The following FARP1 variants were observed in gnomAD, a reference collection of about 807,000 sequenced individuals.
FARP1 encodes FERM, ARHGEF and pleckstrin domain-containing protein 1.
FARP1 carries 52 observed loss-of-function variants against 128.8 expected under a neutral mutation model. That is an observed-to-expected ratio of 0.40 (90% confidence interval 0.32 to 0.51). The LOEUF (loss-of-function observed/expected upper bound fraction) is 0.51. Ranked by LOEUF, FARP1 falls within the 20% of genes least tolerant of loss-of-function variation. The probability of loss-of-function intolerance (pLI) is 0.45; values close to 1 mark genes in which losing one functional copy is unlikely to be tolerated. For synonymous variants in FARP1, 580 were observed against 551.8 expected (o/e 1.05, Z -0.72); for missense variants, 1,333 against 1,367.9 (o/e 0.97, Z 0.40).
At chr13:98,423,312 T>C (rs1450691245) in intron 16 of FARP1, among the ~76,000 whole-genome samples, 1 of 150,984 alleles carries the variant, frequency 6.6e-6, no homozygotes, top group African/African-American at 2.5e-5. Context: ...TTAACCATCA[T>C]AGGGTGTATG....
chr13:98,425,282 A>G (rs1891740126), intron 17 of FARP1, among the ~76,000 whole-genome samples: 1 of 151,942 alleles, frequency 6.6e-6, no homozygotes, highest in Admixed American at 6.6e-5. Context: ...TTCTTCTAAT[A>G]ACCATGACAA....
chr13:98,176,000 A>G (rs1877985324), intron 1 of FARP1: 5 of 679,170 alleles, frequency 7.4e-6, no homozygotes, highest in Non-Finnish European at 1.3e-5. Flanking sequence ...GGCTTTTGCA[A>G]ATAATTCTGC....
In FARP1 at chr13:98,218,533, C is replaced by G. The variant is rs563913282; in HGVS notation, c.171+5120C>G. Reference sequence around the variant, plus strand: ...GAATTCTCCAGACAGATGGTAAAATCTTTGAGGAAAGAGGTTTTTAATCTT... The same window carrying G: ...GAATTCTCCAGACAGATGGTAAAATGTTTGAGGAAAGAGGTTTTTAATCTT... On this transcript the variant is annotated intron_variant, in intron 2 of 26. Transcript: ENST00000319562. Among the ~76,000 whole-genome samples, 32 of 152,236 alleles carry G rather than the reference C, an allele frequency of 2.1e-4. 1 individual carries two copies. The highest frequency in any genetic ancestry group is 7.7e-4 in the African/African-American group (32 of 41,534).
chr13:98,314,274 C>CTTTTTTTTTTTTTTTTTTTTTTT lies in FARP1; in HGVS notation c.172-29486_172-29464dup, dbSNP rs140938723. On this transcript the variant is annotated intron_variant, in intron 2 of 26. Coordinates refer to ENST00000319562, the MANE Select transcript of FARP1 (RefSeq NM_005766.4). Reference sequence around the variant, plus strand: ...TAGCAACATTTATTATATTTTATGTCTTTTTTTTTTTTTTTTTTTTTTTTG... The same window carrying CTTTTTTTTTTTTTTTTTTTTTTT: ...TAGCAACATTTATTATATTTTATGTCTTTTTTTTTTTTTTTTTTTTTTTTTTTTTTTTTTTTTTTTTTTTTTTG... Among the ~76,000 whole-genome samples, 2 of 59,988 alleles carry CTTTTTTTTTTTTTTTTTTTTTTT rather than the reference C, an allele frequency of 3.3e-5. 1 individual carries two copies. Among genetic ancestry groups the CTTTTTTTTTTTTTTTTTTTTTTT allele is most frequent in the African/African-American group, 1.4e-4 (2 of 14,792 alleles). The allele number at this position is 59,988 out of a possible 152,430, so 39.4% of individuals were successfully genotyped here. A position where few individuals can be genotyped will look rare whatever the true frequency, so the allele number is the denominator to read the frequency against.
intron 1 of FARP1, among the ~76,000 whole-genome samples, chr13:98,187,871 C>T (rs1199309747): frequency 6.6e-6 from 1 of 152,180 alleles, no homozygotes; most frequent in East Asian, 1.9e-4. Context: ...CTATTTTAAT[C>T]TGCAAAGCAT....
chr13:98,444,668 C>T (rs1392700837), intron 24 of FARP1, among the ~76,000 whole-genome samples: 1 of 152,124 alleles, frequency 6.6e-6, no homozygotes, highest in African/African-American at 2.4e-5. Context: ...TTTCCAGAGG[C>T]TATTGGAATG....
At chr13:98,151,639 C>T (rs919929278) in intron 1 of FARP1, among the ~76,000 whole-genome samples, 1 of 139,424 alleles carries the variant, frequency 7.2e-6, no homozygotes, top group Non-Finnish European at 1.5e-5. Flanking sequence ...CGAGACAAAC[C>T]TGCCCTTATA....
intron 4 of FARP1, among the ~76,000 whole-genome samples, chr13:98,366,321 T>C (rs1274572373): frequency 6.6e-6 from 1 of 152,222 alleles, no homozygotes; most frequent in Non-Finnish European, 1.5e-5. Context: ...AAATTGATGT[T>C]GATCATCTAC....
intron 5 of FARP1, among the ~76,000 whole-genome samples, chr13:98,376,730 C>T (rs1889599137): frequency 6.7e-6 from 1 of 149,490 alleles, no homozygotes; most frequent in South Asian, 2.1e-4. Context: ...AATTTACATT[C>T]CCGCCGATAG....
intron 2 of FARP1, chr13:98,244,737 T>C (rs376187108): frequency 5.8e-4 from 924 of 1,606,198 alleles, no homozygotes; most frequent in Non-Finnish European, 7.4e-4. Context: ...TGTTTCATTA[T>C]TTCATTCAAA....
intron 1 of FARP1, among the ~76,000 whole-genome samples, chr13:98,192,138 TCA>T (rs1879271465): frequency 6.6e-6 from 1 of 152,190 alleles, no homozygotes; most frequent in Non-Finnish European, 1.5e-5. Context: ...CCTCTGCATT[TCA>T]CAGTCTTCAT....
intron 16 of FARP1, among the ~76,000 whole-genome samples, chr13:98,413,397 G>A (rs1255658740): frequency 6.6e-5 from 10 of 152,218 alleles, no homozygotes; most frequent in Non-Finnish European, 1.3e-4. Flanking sequence ...AGTGGCTCAT[G>A]CCTGTAAATC....
chr13:98,315,153 C>G (rs552334006), intron 2 of FARP1, among the ~76,000 whole-genome samples: 1 of 152,160 alleles, frequency 6.6e-6, no homozygotes, highest in Non-Finnish European at 1.5e-5. Flanking sequence ...TTTTTTAAAA[C>G]AGGGTCTTGC....
At position 98,424,175 on chromosome 13, in the gene FARP1, A is replaced by T. The variant is rs751587615; in HGVS notation, c.1827-397A>T. ...TTCCTGCAGGTGTCTAGCAGTACCC[A>T]TCTCTAGGATGGAATCTGTTTACAA... On this transcript the variant is annotated intron_variant, in intron 16 of 26. Transcript: ENST00000319562. Among the ~76,000 whole-genome samples, 58 of 152,144 alleles carry T rather than the reference A, an allele frequency of 3.8e-4. 1 individual carries two copies. The highest frequency in any genetic ancestry group is 1.3e-4 in the Admixed American group (2 of 15,282).
At chr13:98,346,186 A>ATTTTTTTTT (rs10555277) in intron 3 of FARP1, among the ~76,000 whole-genome samples, 10 of 105,688 alleles carry the variant, frequency 9.5e-5, no homozygotes, top group African/African-American at 1.5e-4. Context: ...ATTGCATATA[A>ATTTTTTTTT]TTTTTTTTTT....
chr13:98,147,849 A>G (rs1455529387), intron 1 of FARP1, among the ~76,000 whole-genome samples: 1 of 151,764 alleles, frequency 6.6e-6, no homozygotes, highest in Admixed American at 6.6e-5. Context: ...AATTTTTCTT[A>G]GAGAGTCTCA....
At chr13:98,388,836 C>G (rs1052477455) in intron 9 of FARP1, among the ~76,000 whole-genome samples, 1 of 152,210 alleles carries the variant, frequency 6.6e-6, no homozygotes, top group Non-Finnish European at 1.5e-5. Context: ...AGTATCCTGC[C>G]CTACCCCAGG....
At chr13:98,437,843 A>G (rs1314689452) in intron 19 of FARP1, 1 of 1,596,976 alleles carries the variant, frequency 6.3e-7, no homozygotes, top group Non-Finnish European at 8.5e-7. Flanking sequence ...AGAGGAGGCC[A>G]TTGTTATTAG....
At position 98,450,223 on chromosome 13, in the gene FARP1, G is replaced by A. The variant is rs1326088008; in HGVS notation, c.*1906G>A. The A allele has an allele frequency of 6.6e-6, 1 of 152,006 alleles. No homozygotes were observed. Among genetic ancestry groups the A allele is most frequent in the Non-Finnish European group, 1.5e-5 (1 of 67,992 alleles). The allele number at this position is 152,006 out of a possible 1,614,324, so 9.4% of individuals were successfully genotyped here. Reference sequence around the variant, plus strand: ...ATACTCGTTTTCTTGAGCTTTATTGGCCCCTGCATGATACAGTCCCTGTGC... The same window carrying A: ...ATACTCGTTTTCTTGAGCTTTATTGACCCCTGCATGATACAGTCCCTGTGC... On this transcript the variant is annotated 3_prime_UTR_variant, in exon 27 of 27. Coordinates refer to ENST00000319562, the MANE Select transcript of FARP1 (RefSeq NM_005766.4).
Sources: allele counts gnomAD v4.1 joint callset (sites outside exome capture counted in the v4.1 genomes callset), GRCh38; gene constraint gnomAD v4.1.1; transcripts MANE v1.5; gene names NCBI Gene and HGNC (gene_info 2026-07-23, HGNC 2026-07-21).